KPLCE: variants seen among roughly 807,000 people sequenced by gnomAD.
The protein encoded by KPLCE is protein KPLCE.
At chr1:152,719,611 T>C in the KPLCE span, 18 of 1,551,950 alleles carry the variant, frequency 1.2e-5, no homozygotes, top group Middle Eastern at 3.3e-4. Flanking sequence ...ATGGTGCCTC[T>C]GTGAAATGCC....
the KPLCE span, chr1:152,719,768 A>G: frequency 2.6e-6 from 4 of 1,550,998 alleles, no homozygotes; most frequent in Admixed American, 2.0e-5. Flanking sequence ...GAAATACCCA[A>G]CACCCTGCCA....
chr1:152,720,414 C>A, the KPLCE span: 1 of 716,648 alleles, frequency 1.4e-6, no homozygotes, highest in East Asian at 2.7e-5. Context: ...TCTACCAAGG[C>A]AGCCTGCCAG....
chr1:152,719,807 C>T, the KPLCE span: 1 of 1,551,738 alleles, frequency 6.4e-7, no homozygotes, highest in Admixed American at 2.0e-5. Context: ...AGCTCCCTGC[C>T]AGACAACCTA....
the KPLCE span, chr1:152,720,063 G>C: frequency 6.4e-7 from 1 of 1,551,730 alleles, no homozygotes; most frequent in Non-Finnish European, 8.7e-7. Context: ...TTCGGGGTGA[G>C]TCCCCTGAGA....
At chr1:152,719,581 A>G in the KPLCE span, 1 of 1,551,814 alleles carries the variant, frequency 6.4e-7, no homozygotes. Context: ...GTTCGGGACT[A>G]GGGGCTGGGC....
the KPLCE span, chr1:152,720,302 A>T: frequency 2.5e-5 from 38 of 1,500,332 alleles, no homozygotes; most frequent in Non-Finnish European, 3.1e-5. Context: ...TCCAGAATGC[A>T]CTGCCCCGCT....
chr1:152,720,107 G>C, the KPLCE span: 3 of 1,551,728 alleles, frequency 1.9e-6, no homozygotes, highest in Non-Finnish European at 2.6e-6. Context: ...CTGCAACACA[G>C]GATCATCTGG....
the KPLCE span, chr1:152,719,653 G>A: frequency 1.3e-6 from 2 of 1,552,156 alleles, no homozygotes; most frequent in Non-Finnish European, 8.7e-7. Flanking sequence ...CTGTCTGTGT[G>A]ACAGGCCCTG....
the KPLCE span, chr1:152,719,941 C>A: frequency 6.4e-7 from 1 of 1,552,106 alleles, no homozygotes; most frequent in South Asian, 1.2e-5. Flanking sequence ...CTTCTCCTTG[C>A]CAGAGCTATT....
At chr1:152,719,967 C>A in the KPLCE span, 1 of 1,551,914 alleles carries the variant, frequency 6.4e-7, no homozygotes, top group Non-Finnish European at 8.7e-7. Context: ...CAAGCTCCTG[C>A]AAGTGGCTCA....
At chr1:152,719,885 A>G in the KPLCE span, 1 of 1,552,258 alleles carries the variant, frequency 6.4e-7, no homozygotes, top group Admixed American at 2.0e-5. Context: ...GACCTACATC[A>G]AAAGTCCAGC....
At chr1:152,720,356 A>G in the KPLCE span, 1 of 1,146,198 alleles carries the variant, frequency 8.7e-7, no homozygotes, top group Non-Finnish European at 1.2e-6. Flanking sequence ...CCTCTCTGTT[A>G]GTGCCAGTGA....
chr1:152,720,006 G>A, the KPLCE span: 16 of 1,551,784 alleles, frequency 1.0e-5, no homozygotes, highest in Non-Finnish European at 1.4e-5. Context: ...ACTGACCCAT[G>A]CTCTGCTCCC....
the KPLCE span, chr1:152,720,145 A>T: frequency 6.4e-7 from 1 of 1,551,580 alleles, no homozygotes; most frequent in Non-Finnish European, 8.7e-7. Flanking sequence ...GAAGCTCTGG[A>T]TGCTGTGGTT....
At chr1:152,720,034 C>G in the KPLCE span, 1 of 1,551,766 alleles carries the variant, frequency 6.4e-7, no homozygotes, top group Non-Finnish European at 8.7e-7. Flanking sequence ...CCAGCTACTG[C>G]TGTCTGGCTC....
the KPLCE span, chr1:152,719,952 A>G: frequency 8.4e-6 from 13 of 1,551,962 alleles, no homozygotes; most frequent in Non-Finnish European, 1.1e-5. Context: ...CAGAGCTATT[A>G]TGTTCAAGCT....
At chr1:152,720,180 G>A in the KPLCE span, 3 of 1,551,742 alleles carry the variant, frequency 1.9e-6, no homozygotes, top group Admixed American at 3.9e-5. Flanking sequence ...TGCAGCTGTG[G>A]ATGTGGCAGC....
chr1:152,719,928 G>C, the KPLCE span: 1 of 1,552,184 alleles, frequency 6.4e-7, no homozygotes, highest in Non-Finnish European at 8.7e-7. Flanking sequence ...TATGTCCAGG[G>C]TGCTTCTCCT....
the KPLCE span, chr1:152,720,254 G>A: frequency 6.5e-7 from 1 of 1,548,096 alleles, no homozygotes. Flanking sequence ...CTGTGACCAT[G>A]AGGATGACTG....
Sources: gnomAD v4.1 joint callset for allele counts on GRCh38, gnomAD v4.1.1 for gene constraint, MANE v1.5 for transcripts, NCBI Gene and HGNC (gene_info 2026-07-23, HGNC 2026-07-21) for gene names.